CCDC62: variants seen among roughly 807,000 people sequenced by gnomAD.
CCDC62 encodes the protein coiled-coil domain containing 62.
A neutral mutation model predicts 80.8 loss-of-function variants in CCDC62; 72 were observed. That is an observed-to-expected ratio of 0.89 (90% confidence interval 0.74 to 1.08). The LOEUF is 1.08. CCDC62 is among the 50% of genes least tolerant of loss of function. The pLI is 0.00. For missense variants in CCDC62, 704 were observed against 809.4 expected (o/e 0.87, Z 1.58); for synonymous variants, 286 against 296.5 (o/e 0.96, Z 0.36).
At chr12:122,811,657 G>A (rs138062324) in intron 10 of CCDC62, among the ~76,000 whole-genome samples, 19,274 of 149,572 alleles carry the variant, frequency 0.13, 1,508 homozygotes, top group Middle Eastern at 0.26. Context: ...CCGTCTCTAC[G>A]AAAAATACAA....
intron 10 of CCDC62, among the ~76,000 whole-genome samples, chr12:122,812,227 G>C (rs987954144): frequency 2.0e-5 from 3 of 151,964 alleles, no homozygotes; most frequent in Admixed American, 1.3e-4. Flanking sequence ...TGGATCACTG[G>C]AGGTCAGAAG....
chr12:122,778,831 A>G (rs1021395556), intron 2 of CCDC62, among the ~76,000 whole-genome samples: 13 of 152,282 alleles, frequency 8.5e-5, no homozygotes, highest in South Asian at 2.1e-4. Context: ...GTGAGCCAAG[A>G]TTGCGCCACT....
At chr12:122,798,330 C>T (rs1209171590) in intron 8 of CCDC62, 130 bp downstream of exon 8, 15 of 602,462 alleles carry the variant, frequency 2.5e-5, no homozygotes, top group Non-Finnish European at 3.6e-5. Flanking sequence ...TGGCCGGGCA[C>T]GGTGCCTCAC....
At chr12:122,783,765 G>C (rs1301025780) in intron 3 of CCDC62, among the ~76,000 whole-genome samples, 1 of 152,120 alleles carries the variant, frequency 6.6e-6, no homozygotes, top group Non-Finnish European at 1.5e-5. Context: ...TAGGTTCACA[G>C]CAAAATTGAG....
chr12:122,795,174 C>T (rs1049481542), intron 6 of CCDC62, among the ~76,000 whole-genome samples: 5 of 151,642 alleles, frequency 3.3e-5, no homozygotes, highest in Middle Eastern at 3.2e-3. Flanking sequence ...CCTCAGCCTC[C>T]GGAGTAGCTG....
In CCDC62 at chr12:122,781,327, T is replaced by C. The variant is rs149651954; in HGVS notation, c.393T>C (p.Leu131=). Residue 131 remains leucine (L), a synonymous_variant, in exon 3 of 13, where the codon CTT becomes CTC. Transcript: ENST00000253079. ...ATTCTTCTCTTCTCTCTGAAGACCT[T>C]GAGGTTGGGATTAGTTTTTGATAAG... ...ATHSSLLSED[L]EARNETLSNT... 4.3e-6 allele frequency: 7 copies of C among 1,612,448 alleles called. No individual in the cohort carries two copies. The African/African-American group carries it at 9.4e-5, about 22-fold the overall frequency.
At chr12:122,808,526 C>G (rs1384433653) in intron 10 of CCDC62, among the ~76,000 whole-genome samples, 1 of 150,906 alleles carries the variant, frequency 6.6e-6, no homozygotes, top group African/African-American at 2.4e-5. Context: ...TATATTTAAC[C>G]TTTTTTTTTC....
intron 5 of CCDC62, among the ~76,000 whole-genome samples, chr12:122,790,076 T>C (rs2030505698): frequency 6.6e-6 from 1 of 151,960 alleles, no homozygotes; most frequent in Non-Finnish European, 1.5e-5. Flanking sequence ...TTTGAGATAG[T>C]GTCTTGCTCT....
rs371690932 is a variant in CCDC62, at chr12:122,801,739, C to G, written c.1593C>G (p.Asp531Glu). 19 of 1,614,178 alleles carry G rather than the reference C, an allele frequency of 1.2e-5. No individual in the cohort carries two copies. The South Asian group carries it at 1.9e-4, about 16-fold the overall frequency. The stretch of plus-strand genomic sequence containing the variant: ...TTGAAGCCCCAGGCCACATGTCTGA[C>G]GTGGAGTGGATGAGTATTTTCAAGC... ...FIIEAPGHMS[D>E]VEWMSIFKPS... The change falls in exon 9 of 13, where the codon GAC becomes GAG. Residue 531 changes from aspartate to glutamate, a missense_variant. By Grantham distance (45) the Asp-to-Glu change is conservative. Transcript: ENST00000253079.
intron 3 of CCDC62, among the ~76,000 whole-genome samples, chr12:122,782,717 C>CA (rs2029942271): frequency 6.6e-6 from 1 of 152,010 alleles, no homozygotes; most frequent in African/African-American, 2.4e-5. Flanking sequence ...CTCAGCCTCC[C>CA]AAAGTGCTGG....
intron 11 of CCDC62, among the ~76,000 whole-genome samples, chr12:122,813,818 G>T (rs2032045321): frequency 6.6e-6 from 1 of 151,726 alleles, no homozygotes; most frequent in South Asian, 2.1e-4. Flanking sequence ...TACCATGCCC[G>T]GCTAATTTTT....
At chr12:122,806,541 C>T (rs1035847862) in intron 10 of CCDC62, among the ~76,000 whole-genome samples, 2 of 151,864 alleles carry the variant, frequency 1.3e-5, no homozygotes, top group African/African-American at 2.4e-5. Context: ...TGCAGTGGTG[C>T]AATCGTGGCT....
At chr12:122,778,429 G>A (rs1456143563) in intron 2 of CCDC62, among the ~76,000 whole-genome samples, 1 of 151,416 alleles carries the variant, frequency 6.6e-6, no homozygotes, top group African/African-American at 2.4e-5. Flanking sequence ...TTTTAATTCT[G>A]TCATTCCTTT....
At chr12:122,777,787 G>A (rs1879573135) in intron 2 of CCDC62, 104 bp downstream of exon 2, 2 of 1,092,576 alleles carry the variant, frequency 1.8e-6, no homozygotes, top group Admixed American at 2.3e-5. Context: ...AATCCCTGTT[G>A]TCCTCAAGTT....
intron 2 of CCDC62, among the ~76,000 whole-genome samples, chr12:122,778,022 C>G (rs1035174912): frequency 6.6e-6 from 1 of 152,106 alleles, no homozygotes. Context: ...AGATTTTAGG[C>G]TTTTGGTATT....
chr12:122,791,354 G>A (rs1033448400), intron 5 of CCDC62, among the ~76,000 whole-genome samples: 3 of 151,832 alleles, frequency 2.0e-5, no homozygotes. Flanking sequence ...GGCCAGGCTG[G>A]TTTCGAACTC....
At chr12:122,814,652 C>T (rs917805703) in intron 11 of CCDC62, among the ~76,000 whole-genome samples, 1 of 151,814 alleles carries the variant, frequency 6.6e-6, no homozygotes, top group Non-Finnish European at 1.5e-5. Flanking sequence ...AGATTACAGG[C>T]ACCTGCCACC....
At chr12:122,823,898 A>C (rs955827621) in intron 12 of CCDC62, among the ~76,000 whole-genome samples, 6 of 151,970 alleles carry the variant, frequency 3.9e-5, no homozygotes, top group Non-Finnish European at 8.8e-5. Context: ...AGGCAGGAGA[A>C]TCACTTGAAC....
chr12:122,821,484 C>G (rs543650725), intron 11 of CCDC62, among the ~76,000 whole-genome samples: 1 of 152,212 alleles, frequency 6.6e-6, no homozygotes, highest in African/African-American at 2.4e-5. Flanking sequence ...GGGTGTCACT[C>G]TCTCGCTCAG....
Sources: allele counts gnomAD v4.1 joint callset (sites outside exome capture counted in the v4.1 genomes callset), GRCh38; gene constraint gnomAD v4.1.1; transcripts MANE v1.5; gene names NCBI Gene and HGNC (gene_info 2026-07-23, HGNC 2026-07-21).